Variants in SPPL2C observed in about 807,000 individuals in gnomAD.
SPPL2C encodes signal peptide peptidase-like 2C.
Under a neutral mutation model 38.8 loss-of-function variants are expected in SPPL2C, and 33 were observed. That is an observed-to-expected ratio of 0.85 (90% CI 0.64 to 1.14). The LOEUF (loss-of-function observed/expected upper bound fraction) is 1.14. Among genes scored for constraint, SPPL2C ranks in the 50% most tolerant of loss-of-function variants. SPPL2C has a pLI of 0.00. For missense variants in SPPL2C, 899 were observed against 904.4 expected (o/e 0.99, Z 0.08); for synonymous variants, 384 against 390.7 (o/e 0.98, Z 0.20).
Position 45,846,776 on chromosome 17 carries a change from G to T in SPPL2C, c.1870G>T (p.Glu624Ter). 4.3e-6 allele frequency: 7 copies of T among 1,614,136 alleles called. No individual in the cohort carries two copies. Among genetic ancestry groups the T allele is most frequent in the Non-Finnish European group, 5.9e-6 (7 of 1,180,030 alleles). ...CTTCATCCCCCCTGGGGCCTCGGAGGAGCTGATGCCACTGATGCCAATGGC... is the reference window on the plus strand; with the variant it reads ...CTTCATCCCCCCTGGGGCCTCGGAGTAGCTGATGCCACTGATGCCAATGGC... ...LPFIPPGASE[E>*]LMPLMPMAML... Residue 624 changes from glutamate to a stop codon, truncating the protein, a stop_gained, in exon 1 of 1, where the codon GAG (glutamate) becomes TAG (stop). Transcript: ENST00000329196. LOFTEE classifies it high-confidence loss of function.
Position 45,846,714 on chromosome 17 carries a change from G to A in SPPL2C, c.1808G>A (p.Gly603Asp). Residue 603 changes from glycine (G) to aspartate (D), a missense_variant, in exon 1 of 1, where the codon GGC becomes GAC. Transcript: ENST00000329196. The part of the protein sequence containing the change: ...NPEDRSDSSE[G>D]WSDAHLDPNE... Reference sequence around the variant, plus strand: ...GAGGACCGCAGTGATAGCTCCGAGGGCTGGAGTGACGCCCACTTGGATCCT... The same window carrying A: ...GAGGACCGCAGTGATAGCTCCGAGGACTGGAGTGACGCCCACTTGGATCCT... The A allele has an allele frequency of 6.2e-7, 1 of 1,614,208 alleles. No individual in the cohort carries two copies. The highest frequency in any genetic ancestry group is 8.5e-7 in the Non-Finnish European group (1 of 1,180,048).
At position 45,846,182 on chromosome 17, in the gene SPPL2C, G is replaced by C; in HGVS notation, c.1276G>C (p.Val426Leu). 3 of 1,614,224 alleles carry C rather than the reference G, an allele frequency of 1.9e-6. No homozygotes were observed. The highest frequency in any genetic ancestry group is 2.5e-6 in the Non-Finnish European group (3 of 1,180,044). Reference sequence around the variant, plus strand: ...TGAGAGGCTGCCCATGGTACTCAAAGTGCCCCGGCTAAGAGTCTCCGCCTT... The same window carrying C: ...TGAGAGGCTGCCCATGGTACTCAAACTGCCCCGGCTAAGAGTCTCCGCCTT... ...SHERLPMVLKVPRLRVSALTL... is the reference protein window; with the variant it reads ...SHERLPMVLKLPRLRVSALTL... Residue 426 changes from valine (V) to leucine (L), a missense_variant, in exon 1 of 1, where the codon GTG becomes CTG. Transcript: ENST00000329196.
Position 45,847,005 on chromosome 17 carries a change from C to T in SPPL2C, c.*44C>T, listed in dbSNP as rs115957998. 1,781 of 1,498,866 alleles carry T rather than the reference C, an allele frequency of 1.2e-3. 18 individuals are homozygous for T. In the African/African-American group the frequency reaches 0.022, roughly 19 times the overall value. The allele number at this position is 1,498,866 out of a possible 1,614,324, so 92.8% of individuals were successfully genotyped here. A position where few individuals can be genotyped will look rare whatever the true frequency, so the allele number is the denominator to read the frequency against. ...CACGCCTCTCAAAGGGCTGGTGGAA[C>T]ATTGCAGAGCAAAGCCATGCATGGC... On this transcript the variant is annotated 3_prime_UTR_variant, in exon 1 of 1. Coordinates refer to ENST00000329196, the MANE Select transcript of SPPL2C (RefSeq NM_175882.3).
chr17:45,846,358 G>A lies in SPPL2C; in HGVS notation c.1452G>A (p.Leu484=). The A allele has an allele frequency of 6.2e-7, 1 of 1,613,938 alleles. No individual in the cohort carries two copies. The highest frequency in any genetic ancestry group is 8.5e-7 in the Non-Finnish European group (1 of 1,180,044). ...GCACCGTGGCCTATGCTGTGGGCCT[G>A]CTGGTCACATTCATGGCCATGGTCC... ...VACTVAYAVG[L]LVTFMAMVLM... is the part of the protein sequence containing the mutation. Residue 484 remains leucine (L), a synonymous_variant, in exon 1 of 1, where the codon CTG becomes CTA. Coordinates refer to ENST00000329196, the MANE Select transcript of SPPL2C (RefSeq NM_175882.3).
rs781048544 is a variant in SPPL2C, at chr17:45,846,188, C to T, written c.1282C>T (p.Arg428Trp). 67 of 1,614,208 alleles carry T rather than the reference C, an allele frequency of 4.2e-5. No individual in the cohort carries two copies. Among genetic ancestry groups the T allele is most frequent in the Non-Finnish European group, 5.2e-5 (61 of 1,180,042 alleles). ...ERLPMVLKVP[R>W]LRVSALTLCS... is the part of the protein sequence containing the mutation. ...GCTGCCCATGGTACTCAAAGTGCCC[C>T]GGCTAAGAGTCTCCGCCTTGACCCT... The change falls in exon 1 of 1, where the codon CGG becomes TGG. Residue 428 changes from arginine (R) to tryptophan (W), a missense_variant. Physicochemically the swap from Arg to Trp is moderately radical, Grantham distance 101. Coordinates refer to ENST00000329196, the MANE Select transcript of SPPL2C (RefSeq NM_175882.3).
chr17:45,846,087 C>T lies in SPPL2C; in HGVS notation c.1181C>T (p.Pro394Leu), dbSNP rs756471815. The stretch of plus-strand genomic sequence containing the variant: ...GATGTCTTCTTTGTCTTCGTCACCC[C>T]CTTCTTCACCAAAACCGGTGAGAGC... ...AFDVFFVFVT[P>L]FFTKTGESIM... Residue 394 changes from proline to leucine, a missense_variant, in exon 1 of 1, where the codon CCC (proline) becomes CTC (leucine). Coordinates refer to ENST00000329196, the MANE Select transcript of SPPL2C (RefSeq NM_175882.3). 4 of 1,614,192 alleles carry T rather than the reference C, an allele frequency of 2.5e-6. No individual in the cohort carries two copies. The highest frequency in any genetic ancestry group is 2.5e-6 in the Non-Finnish European group (3 of 1,180,040).
chr17:45,846,282 G>T lies in SPPL2C; in HGVS notation c.1376G>T (p.Cys459Phe). 6.2e-7 allele frequency: 1 copy of T among 1,614,184 alleles called. No homozygotes were observed. The highest frequency in any genetic ancestry group is 8.5e-7 in the Non-Finnish European group (1 of 1,180,040). ...GTCCCCGGCTTCCTGGTTGCTTACT[G>T]TTGCCGCTTTGATGTGCAAGTCTGC... ...IVVPGFLVAY[C>F]CRFDVQVCSR... The change falls in exon 1 of 1, where the codon TGT becomes TTT. Residue 459 changes from cysteine (C) to phenylalanine (F), a missense_variant. By Grantham distance (205) the Cys-to-Phe change is radical. Coordinates refer to ENST00000329196, the MANE Select transcript of SPPL2C (RefSeq NM_175882.3).
rs1480682367 is a variant in SPPL2C, at chr17:45,846,550, G to A, written c.1644G>A (p.Lys548=). The change falls in exon 1 of 1, where the codon AAG becomes AAA. Residue 548 remains lysine (K), a synonymous_variant. Transcript: ENST00000329196. ...GCAPSAGSRQ[K]QEGAADAHTA... Reference sequence around the variant, plus strand: ...CCCCTTCAGCTGGCTCTAGGCAGAAGCAGGAGGGCGCAGCAGATGCCCACA... The same window carrying A: ...CCCCTTCAGCTGGCTCTAGGCAGAAACAGGAGGGCGCAGCAGATGCCCACA... The A allele has an allele frequency of 6.2e-7, 1 of 1,612,834 alleles. No individual in the cohort carries two copies. The highest frequency in any genetic ancestry group is 1.7e-5 in the Admixed American group (1 of 60,022).
Position 45,846,011 on chromosome 17 carries a change from C to G in SPPL2C, c.1105C>G (p.Leu369Val). The change falls in exon 1 of 1, where the codon CTG becomes GTG. Residue 369 changes from leucine to valine, a missense_variant. Coordinates refer to ENST00000329196, the MANE Select transcript of SPPL2C (RefSeq NM_175882.3). ...CCTGTTCGTCCTGCACCGTGTGCGGCTGCCCACTCTCAAGAACTGCTCCTC... is the reference window on the plus strand; with the variant it reads ...CCTGTTCGTCCTGCACCGTGTGCGGGTGCCCACTCTCAAGAACTGCTCCTC... ...YCLFVLHRVR[L>V]PTLKNCSSFL... is the part of the protein sequence containing the mutation. The G allele has an allele frequency of 6.2e-7, 1 of 1,613,884 alleles. No homozygotes were observed. Among genetic ancestry groups the G allele is most frequent in the Non-Finnish European group, 8.5e-7 (1 of 1,180,002 alleles).
In SPPL2C at chr17:45,846,835, GC is replaced by G. The variant is rs759153543; in HGVS notation, c.1932del (p.Ser645GlnfsTer28). ...TCCCACTCATGCCCCTGATGCCCCC[GC>G]CCTCAGAGCTGGGCCATGTCCATGC... ...LIPLMPLMPP[P>X]SELGHVHAQA... On this transcript the variant is annotated frameshift_variant, in exon 1 of 1. Transcript: ENST00000329196. LOFTEE classifies it high-confidence loss of function. 3 of 1,613,872 alleles carry G rather than the reference GC, an allele frequency of 1.9e-6. No homozygotes were observed. Among genetic ancestry groups the G allele is most frequent in the Non-Finnish European group, 2.5e-6 (3 of 1,179,976 alleles).
rs1010234292 is a variant in SPPL2C at position 45,846,371 on chromosome 17, A to G, written c.1465A>G (p.Met489Val). The G allele has an allele frequency of 6.2e-7, 1 of 1,613,818 alleles. No homozygotes were observed. Among genetic ancestry groups the G allele is most frequent in the East Asian group, 2.2e-5 (1 of 44,876 alleles). The change falls in exon 1 of 1, where the codon ATG (methionine) becomes GTG (valine). Residue 489 changes from methionine (M) to valine (V), a missense_variant. By Grantham distance (21) the Met-to-Val change is conservative (BLOSUM62 1). Transcript: ENST00000329196. ...AYAVGLLVTF[M>V]AMVLMQMGQP... ...TGCTGTGGGCCTGCTGGTCACATTC[A>G]TGGCCATGGTCCTCATGCAGATGGG...
Position 45,845,052 on chromosome 17 carries a change from T to TC in SPPL2C, c.151dup (p.Arg51ProfsTer13), listed in dbSNP as rs779346558. On this transcript the variant is annotated frameshift_variant, in exon 1 of 1. Coordinates refer to ENST00000329196, the MANE Select transcript of SPPL2C (RefSeq NM_175882.3). LOFTEE classifies it high-confidence loss of function. Reference sequence around the variant, plus strand: ...CTGTTCAGCTCCGACTACATCACCCTCCCCCGGGACCTGCACCACGCCCCA... The same window carrying TC: ...CTGTTCAGCTCCGACTACATCACCCTCCCCCCGGGACCTGCACCACGCCCCA... 6.8e-6 allele frequency: 11 copies of TC among 1,613,802 alleles called. No homozygotes were observed. In the Admixed American group the frequency reaches 1.7e-4, roughly 24 times the overall value.
Position 45,845,994 on chromosome 17 carries a change from T to C in SPPL2C, c.1088T>C (p.Val363Ala). Reference protein sequence around the residue: ...DTLGISYCLFVLHRVRLPTLK... With the variant: ...DTLGISYCLFALHRVRLPTLK... ...CTGGGCATTTCCTACTGCCTGTTCG[T>C]CCTGCACCGTGTGCGGCTGCCCACT... The change falls in exon 1 of 1, where the codon GTC becomes GCC. Residue 363 changes from valine to alanine, a missense_variant. Transcript: ENST00000329196. 1 of 1,613,428 alleles carries C rather than the reference T, an allele frequency of 6.2e-7. No homozygotes were observed. Among genetic ancestry groups the C allele is most frequent in the Non-Finnish European group, 8.5e-7 (1 of 1,180,030 alleles).
rs780398344 is a variant in SPPL2C, at chr17:45,846,560, G to A, written c.1654G>A (p.Ala552Thr). 11 of 1,612,858 alleles carry A rather than the reference G, an allele frequency of 6.8e-6. No individual in the cohort carries two copies. Among genetic ancestry groups the A allele is most frequent in the Admixed American group, 3.3e-5 (2 of 59,996 alleles). The change falls in exon 1 of 1, where the codon GCA (alanine) becomes ACA (threonine). Residue 552 changes from alanine (A) to threonine (T), a missense_variant. Physicochemically the swap from Ala to Thr is moderately conservative, Grantham distance 58. Coordinates refer to ENST00000329196, the MANE Select transcript of SPPL2C (RefSeq NM_175882.3). ...SAGSRQKQEG[A>T]ADAHTASTLE... Reference sequence around the variant, plus strand: ...TGGCTCTAGGCAGAAGCAGGAGGGCGCAGCAGATGCCCACACAGCCAGCAC... The same window carrying A: ...TGGCTCTAGGCAGAAGCAGGAGGGCACAGCAGATGCCCACACAGCCAGCAC...
chr17:45,845,706 T>G lies in SPPL2C; in HGVS notation c.800T>G (p.Met267Arg), dbSNP rs777587977. 5.3e-5 allele frequency: 86 copies of G among 1,613,710 alleles called. No homozygotes were observed. Among genetic ancestry groups the G allele is most frequent in the African/African-American group, 1.3e-5 (1 of 74,952 alleles). Residue 267 changes from methionine (M) to arginine (R), a missense_variant, in exon 1 of 1, where the codon ATG becomes AGG. Met to Arg is a moderately conservative substitution (Grantham distance 91). Transcript: ENST00000329196. ...GVVVTLSCSL[M>R]LLLYFFYDHF... The stretch of plus-strand genomic sequence containing the variant: ...GTGGTCACCCTGTCCTGCTCGCTCA[T>G]GCTGCTGCTCTACTTCTTCTATGAC...
Position 45,845,924 on chromosome 17 carries a change from G to T in SPPL2C, c.1018G>T (p.Ala340Ser). 6.2e-7 allele frequency: 1 copy of T among 1,608,108 alleles called. No individual in the cohort carries two copies. Among genetic ancestry groups the T allele is most frequent in the Non-Finnish European group, 8.5e-7 (1 of 1,180,004 alleles). ...CGCAACCGTGATCATCTTCTGGGTGGCCTACCGCAATGAGGACCGCTGGGC... is the reference window on the plus strand; with the variant it reads ...CGCAACCGTGATCATCTTCTGGGTGTCCTACCGCAATGAGGACCGCTGGGC... Reference protein sequence around the residue: ...LCATVIIFWVAYRNEDRWAWL... With the variant: ...LCATVIIFWVSYRNEDRWAWL... Residue 340 changes from alanine (A) to serine (S), a missense_variant, in exon 1 of 1, where the codon GCC becomes TCC. Ala to Ser is a moderately conservative substitution (Grantham distance 99, BLOSUM62 1). Coordinates refer to ENST00000329196, the MANE Select transcript of SPPL2C (RefSeq NM_175882.3).
At position 45,845,057 on chromosome 17, in the gene SPPL2C, C is replaced by G. The variant is rs376127577; in HGVS notation, c.151C>G (p.Arg51Gly). The change falls in exon 1 of 1, where the codon CGG (arginine) becomes GGG (glycine). Residue 51 changes from arginine to glycine, a missense_variant. Arg to Gly is a moderately radical substitution (Grantham distance 125, BLOSUM62 -2). Coordinates refer to ENST00000329196, the MANE Select transcript of SPPL2C (RefSeq NM_175882.3). ...CAGCTCCGACTACATCACCCTCCCCCGGGACCTGCACCACGCCCCACTCCT... is the reference window on the plus strand; with the variant it reads ...CAGCTCCGACTACATCACCCTCCCCGGGGACCTGCACCACGCCCCACTCCT... ...LFSSDYITLPRDLHHAPLLPL... is the reference protein window; with the variant it reads ...LFSSDYITLPGDLHHAPLLPL... The G allele has an allele frequency of 1.9e-6, 3 of 1,614,152 alleles. No homozygotes were observed. Among genetic ancestry groups the G allele is most frequent in the East Asian group, 2.2e-5 (1 of 44,876 alleles).
chr17:45,846,831 C>G lies in SPPL2C; in HGVS notation c.1925C>G (p.Pro642Arg), dbSNP rs529035654. ...AMLIPLMPLMPPPSELGHVHA... is the reference protein window; with the variant it reads ...AMLIPLMPLMRPPSELGHVHA... ...CTGATCCCACTCATGCCCCTGATGC[C>G]CCCGCCCTCAGAGCTGGGCCATGTC... is the stretch of plus-strand genomic sequence containing the variant. The change falls in exon 1 of 1, where the codon CCC becomes CGC. Residue 642 changes from proline to arginine, a missense_variant. Physicochemically the swap from Pro to Arg is moderately radical, Grantham distance 103. Coordinates refer to ENST00000329196, the MANE Select transcript of SPPL2C (RefSeq NM_175882.3). The G allele has an allele frequency of 5.0e-6, 8 of 1,613,976 alleles. No individual in the cohort carries two copies. The African/African-American group carries it at 1.1e-4, about 22-fold the overall frequency.
rs1182821159 is a variant in SPPL2C at position 45,845,189 on chromosome 17, A to T, written c.283A>T (p.Met95Leu). 4.3e-6 allele frequency: 7 copies of T among 1,613,428 alleles called. No individual in the cohort carries two copies. In the East Asian group the frequency reaches 1.3e-4, roughly 31 times the overall value. ...GCGGCCCCTCCGCCAGACCACTGCC[A>T]TGGTCATGAGGGGTAACTGCAGCTT... ...SQRPLRQTTA[M>L]VMRGNCSFHT... is the part of the protein sequence containing the mutation. Residue 95 changes from methionine to leucine, a missense_variant, in exon 1 of 1, where the codon ATG (methionine) becomes TTG (leucine). Met to Leu is a conservative substitution (Grantham distance 15). Coordinates refer to ENST00000329196, the MANE Select transcript of SPPL2C (RefSeq NM_175882.3).
Sources: allele counts gnomAD v4.1 joint callset, GRCh38; gene constraint gnomAD v4.1.1; transcripts MANE v1.5; gene names NCBI Gene and HGNC (gene_info 2026-07-23, HGNC 2026-07-21).